Variants in FAM135B observed in about 807,000 individuals in gnomAD.
FAM135B encodes the protein family with sequence similarity 135 member B.
Under a neutral mutation model 127.7 loss-of-function variants are expected in FAM135B, and 43 were observed. The observed-to-expected ratio is 0.34, with a 90% CI of 0.26 to 0.43. The LOEUF (loss-of-function observed/expected upper bound fraction) is 0.43, where lower values mean the gene tolerates loss of function less well. FAM135B is among the 20% of genes least tolerant of loss of function. The pLI, the probability that FAM135B is intolerant of heterozygous loss-of-function variation, is 1.00. For synonymous variants in FAM135B, 670 were observed against 665.1 expected (o/e 1.01, Z -0.11); for missense variants, 1,558 against 1,725.6 (o/e 0.90, Z 1.72).
intron 1 of FAM135B, among the ~76,000 whole-genome samples, chr8:138,474,603 C>T (rs2131664574): frequency 6.6e-6 from 1 of 152,236 alleles, no homozygotes; most frequent in South Asian, 2.1e-4. Flanking sequence ...AATTGAATGC[C>T]TTTCCTACAC....
At chr8:138,374,075 T>A (rs1831313823) in intron 1 of FAM135B, among the ~76,000 whole-genome samples, 1 of 152,146 alleles carries the variant, frequency 6.6e-6, no homozygotes, top group Non-Finnish European at 1.5e-5. Flanking sequence ...TTAAAAAAAA[T>A]CCCTAATAAA....
chr8:138,202,647 G>T (rs1054967161), intron 7 of FAM135B, among the ~76,000 whole-genome samples: 2 of 152,202 alleles, frequency 1.3e-5, no homozygotes, highest in African/African-American at 4.8e-5. Flanking sequence ...AGAGGGCACA[G>T]TCCTGAAATC....
chr8:138,342,379 T>G (rs1829111435), intron 2 of FAM135B, among the ~76,000 whole-genome samples: 1 of 152,178 alleles, frequency 6.6e-6, no homozygotes, highest in African/African-American at 2.4e-5. Context: ...GTCAGGAAGT[T>G]TCATTGCTGC....
intron 11 of FAM135B, among the ~76,000 whole-genome samples, chr8:138,169,916 C>G (rs1820279208): frequency 6.6e-6 from 1 of 152,154 alleles, no homozygotes; most frequent in African/African-American, 2.4e-5. Context: ...TGAATGTGAC[C>G]AAGTACCTAA....
At chr8:138,492,889 TC>T (rs1564041517) in intron 1 of FAM135B, among the ~76,000 whole-genome samples, 1 of 152,152 alleles carries the variant, frequency 6.6e-6, no homozygotes, top group Non-Finnish European at 1.5e-5. Flanking sequence ...CCATGCCTGA[TC>T]CCCCAACTAC....
At chr8:138,340,650 C>G (rs1387751400) in intron 2 of FAM135B, among the ~76,000 whole-genome samples, 2 of 152,094 alleles carry the variant, frequency 1.3e-5, no homozygotes, top group African/African-American at 4.8e-5. Flanking sequence ...GGCCAGCATC[C>G]CAGCTCCTCA....
intron 6 of FAM135B, among the ~76,000 whole-genome samples, chr8:138,249,058 C>T (rs899749349): frequency 8.5e-5 from 13 of 152,214 alleles, no homozygotes; most frequent in Admixed American, 6.5e-4. Context: ...CTACCCCAGG[C>T]TGTCTGTCAC....
At chr8:138,350,108 T>C (rs1224683913) in intron 2 of FAM135B, among the ~76,000 whole-genome samples, 1 of 152,192 alleles carries the variant, frequency 6.6e-6, no homozygotes, top group African/African-American at 2.4e-5. Context: ...CACTCTGATA[T>C]CAGATGCCAG....
intron 1 of FAM135B, among the ~76,000 whole-genome samples, chr8:138,392,691 A>C (rs1054652089): frequency 6.6e-6 from 1 of 152,120 alleles, no homozygotes; most frequent in Non-Finnish European, 1.5e-5. Flanking sequence ...GTGTCTTCTG[A>C]GCATCTAGGT....
chr8:138,170,601 G>A (rs752328410), intron 11 of FAM135B, among the ~76,000 whole-genome samples: 2 of 152,210 alleles, frequency 1.3e-5, no homozygotes, highest in African/African-American at 4.8e-5. Flanking sequence ...ATTTGTGATG[G>A]TTGATTTTGG....
At chr8:138,347,792 C>T (rs1420587986) in intron 2 of FAM135B, among the ~76,000 whole-genome samples, 4 of 152,086 alleles carry the variant, frequency 2.6e-5, no homozygotes, top group Admixed American at 6.6e-5. Context: ...GATCTCACAA[C>T]GGGCAGCCAA....
At chr8:138,276,022 T>C (rs1823796583) in intron 3 of FAM135B, among the ~76,000 whole-genome samples, 1 of 152,186 alleles carries the variant, frequency 6.6e-6, no homozygotes, top group African/African-American at 2.4e-5. Context: ...TTTCCCGCTA[T>C]GTCCTCATGA....
In FAM135B at chr8:138,131,897, T is replaced by C. The variant is rs1283363444; in HGVS notation, c.*696A>G. 3.9e-5 allele frequency: 6 copies of C among 152,680 alleles called. No homozygotes were observed. The highest frequency in any genetic ancestry group is 1.2e-4 in the African/African-American group (5 of 41,448). The allele number at this position is 152,680 out of a possible 1,614,324, so 9.5% of individuals were successfully genotyped here. ...TCTGGGGAAGTAGGTGGAGCAACTA[T>C]TCATAGTTCAGTATGTCCCTAGAGT... On this transcript the variant is annotated 3_prime_UTR_variant, in exon 20 of 20. Transcript: ENST00000395297.
intron 7 of FAM135B, among the ~76,000 whole-genome samples, chr8:138,224,956 G>T (rs1000995807): frequency 1.3e-5 from 2 of 152,270 alleles, no homozygotes; most frequent in East Asian, 1.9e-4. Flanking sequence ...GGAAAAAAAA[G>T]GACAAATTGG....
At chr8:138,133,388 T>C (rs1303148248) in intron 19 of FAM135B, among the ~76,000 whole-genome samples, 1 of 152,214 alleles carries the variant, frequency 6.6e-6, no homozygotes, top group Non-Finnish European at 1.5e-5. Context: ...CATGGAGGTC[T>C]TGGAGCCATG....
At chr8:138,227,737 T>TTGG (rs1476550764) in intron 7 of FAM135B, among the ~76,000 whole-genome samples, 130 of 135,162 alleles carry the variant, frequency 9.6e-4, no homozygotes, top group African/African-American at 3.7e-3. Context: ...TTTTTTTTTT[T>TTGG]TGGTGGTGGT....
At chr8:138,150,882 G>A (rs1482831538) in intron 13 of FAM135B, among the ~76,000 whole-genome samples, 2 of 151,790 alleles carry the variant, frequency 1.3e-5, no homozygotes. Context: ...TGTACAGAAT[G>A]GTCTAATTTT....
chr8:138,474,724 A>G (rs10092690), intron 1 of FAM135B, among the ~76,000 whole-genome samples: 9,806 of 152,158 alleles, frequency 0.064, 1,027 homozygotes, highest in African/African-American at 0.22. Context: ...TTACTGCATT[A>G]TGCATTTTAC....
intron 8 of FAM135B, among the ~76,000 whole-genome samples, chr8:138,197,252 A>T (rs1344602361): frequency 6.6e-6 from 1 of 152,178 alleles, no homozygotes; most frequent in African/African-American, 2.4e-5. Flanking sequence ...GTGGAGTGGC[A>T]GGTGTGTAAT....
Sources: allele counts gnomAD v4.1 joint callset (sites outside exome capture counted in the v4.1 genomes callset), GRCh38; gene constraint gnomAD v4.1.1; transcripts MANE v1.5; gene names NCBI Gene and HGNC (gene_info 2026-07-23, HGNC 2026-07-21).